The following CCT5 variants were observed in gnomAD, a reference collection of about 807,000 sequenced individuals.
CCT5 encodes the protein T-complex protein 1 subunit epsilon.
In CCT5, 6 loss-of-function variants were observed where a neutral mutation model predicts 55.0. The ratio of observed to expected loss-of-function variants is 0.11; its 90% CI spans 0.06 to 0.22. The LOEUF (loss-of-function observed/expected upper bound fraction) is 0.22. Ranked by LOEUF, CCT5 falls within the 10% of genes least tolerant of loss-of-function variation. CCT5 has a pLI of 1.00. For missense variants in CCT5, 560 were observed against 694.6 expected (o/e 0.81, Z 2.18); for synonymous variants, 231 against 243.7 (o/e 0.95, Z 0.49).
chr5:10,250,020 G>A (rs114102537), upstream of CCT5: 2,567 of 1,540,588 alleles, frequency 1.7e-3, 38 homozygotes, highest in African/African-American at 0.032. Flanking sequence ...TCCTCCTTGG[G>A]ACCCACTATC....
At chr5:10,250,670 A>G (rs1745342506) in intron 1 of CCT5, 6 of 1,406,420 alleles carry the variant, frequency 4.3e-6, no homozygotes, top group Non-Finnish European at 4.6e-6. Context: ...CTGGGCCGCC[A>G]GCGCCCTTCG....
At chr5:10,255,780 G>T (rs1004040749) in intron 3 of CCT5, among the ~76,000 whole-genome samples, 175 bp from the exon 4 acceptor site, 1 of 152,132 alleles carries the variant, frequency 6.6e-6, no homozygotes, top group African/African-American at 2.4e-5. Context: ...TTCGACCTTC[G>T]CTAGAACTAA....
rs537736212 is a variant in CCT5, at chr5:10,257,153, C to T, written c.531-958C>T. Among the ~76,000 whole-genome samples the T allele has an allele frequency of 4.9e-4, 74 of 152,308 alleles. 1 individual carries two copies. The highest frequency in any genetic ancestry group is 1.7e-3 in the African/African-American group (71 of 41,572). On this transcript the variant is annotated intron_variant, in intron 4 of 10. Coordinates refer to ENST00000280326, the MANE Select transcript of CCT5 (RefSeq NM_012073.5). ...AGGGATCTTCTAAACTCAGAGTAGT[C>T]AGGGAAAATGCAGGAAAAGTGTCTG...
At chr5:10,264,307 C>T (rs934603939) in intron 10 of CCT5, among the ~76,000 whole-genome samples, 1 of 152,050 alleles carries the variant, frequency 6.6e-6, no homozygotes, top group Non-Finnish European at 1.5e-5. Context: ...TTGGAAATAT[C>T]TTACATTTCA....
Position 10,264,800 on chromosome 5 carries a change from A to G in CCT5, c.*17A>G, listed in dbSNP as rs772312597. ...GAAGAATGAAGACATTGAGAAAACTATGTAGCAAGATCCACTTCTGTGATT... is the reference window on the plus strand; with the variant it reads ...GAAGAATGAAGACATTGAGAAAACTGTGTAGCAAGATCCACTTCTGTGATT... On this transcript the variant is annotated 3_prime_UTR_variant, in exon 11 of 11. Transcript: ENST00000280326. 3 of 1,611,466 alleles carry G rather than the reference A, an allele frequency of 1.9e-6. No individual in the cohort carries two copies. The highest frequency in any genetic ancestry group is 1.7e-4 in the Middle Eastern group (1 of 6,052).
At chr5:10,264,044 G>A (rs550792252) in intron 10 of CCT5, among the ~76,000 whole-genome samples, 2 of 152,270 alleles carry the variant, frequency 1.3e-5, no homozygotes, top group Admixed American at 6.5e-5. Context: ...AGGCCAAGCC[G>A]GGTGGATCAC....
rs35432910 is a variant in CCT5 at position 10,266,083 on chromosome 5, C to T, written c.*1300C>T. 2.6e-5 allele frequency: 4 copies of T among 152,118 alleles called. No individual in the cohort carries two copies. Among genetic ancestry groups the T allele is most frequent in the Non-Finnish European group, 1.5e-5 (1 of 68,024 alleles). 9.4% of individuals were successfully genotyped at this position (152,118 alleles called of 1,614,324 possible). ...GGAATGTGTGCTAATAGCAATCTTC[C>T]TAATTTTCATGTTTATATGGAACTA... On this transcript the variant is annotated 3_prime_UTR_variant, in exon 11 of 11. Transcript: ENST00000280326.
chr5:10,263,536 T>C (rs1169065397), intron 10 of CCT5, among the ~76,000 whole-genome samples: 1 of 152,216 alleles, frequency 6.6e-6, no homozygotes, highest in Non-Finnish European at 1.5e-5. Context: ...AAAGTGCATA[T>C]GGTACTATCA....
At chr5:10,261,048 G>A in intron 7 of CCT5, 137 bp downstream of exon 7, 1 of 865,914 alleles carries the variant, frequency 1.2e-6, no homozygotes, top group Non-Finnish European at 2.0e-6. Context: ...TGGGAGAGAG[G>A]AAAGCGCTGG....
At chr5:10,260,639 G>A (rs545472499) in intron 6 of CCT5, among the ~76,000 whole-genome samples, 153 bp from the exon 7 acceptor site, 1 of 152,314 alleles carries the variant, frequency 6.6e-6, no homozygotes, top group South Asian at 2.1e-4. Context: ...CAGAAAAGTG[G>A]ACACTTGTCT....
intron 3 of CCT5, 139 bp downstream of exon 3, chr5:10,254,977 C>A: frequency 1.5e-6 from 1 of 650,690 alleles, no homozygotes. Context: ...TGCTACAAAA[C>A]AAATGTCGGA....
chr5:10,249,977 G>A (rs751685682), upstream of CCT5: 248 of 1,437,010 alleles, frequency 1.7e-4, no homozygotes, highest in Non-Finnish European at 2.2e-4. Context: ...GGAGTGCGAA[G>A]AAATAAAGAA....
chr5:10,250,315 G>C lies in CCT5; in HGVS notation c.-26G>C. 1 of 1,613,878 alleles carries C rather than the reference G, an allele frequency of 6.2e-7. No homozygotes were observed. On this transcript the variant is annotated 5_prime_UTR_variant, in exon 1 of 11. Coordinates refer to ENST00000280326, the MANE Select transcript of CCT5 (RefSeq NM_012073.5). ...TTCCGTAGCGGTCTCCGCCGGTTGGGGGGAAGTAATTCCGGTTGTTGCACC... is the reference window on the plus strand; with the variant it reads ...TTCCGTAGCGGTCTCCGCCGGTTGGCGGGAAGTAATTCCGGTTGTTGCACC...
chr5:10,260,692 C>T, intron 6 of CCT5, 100 bp from the exon 7 acceptor site: 1 of 1,299,926 alleles, frequency 7.7e-7, no homozygotes, highest in Non-Finnish European at 1.1e-6. Context: ...TTTGAGTGCA[C>T]CTGCCTTACA....
chr5:10,261,949 T>A, intron 8 of CCT5: 1 of 628,468 alleles, frequency 1.6e-6, no homozygotes, highest in Non-Finnish European at 2.9e-6. Context: ...CTGCTGTCCC[T>A]TAGAGTATAC....
intron 4 of CCT5, among the ~76,000 whole-genome samples, chr5:10,257,379 A>G (rs907688075): frequency 1.3e-5 from 2 of 152,230 alleles, no homozygotes; most frequent in African/African-American, 4.8e-5. Flanking sequence ...GAAGTGTACA[A>G]ATCAGTTTTC....
Position 10,257,369 on chromosome 5 carries a change from G to T in CCT5, c.531-742G>T, listed in dbSNP as rs1165801128. ...TGAAAGGAGGACATCATCATTACTT[G>T]AAGTGTACAAATCAGTTTTCTTGTT... On this transcript the variant is annotated intron_variant, in intron 4 of 10. Coordinates refer to ENST00000280326, the MANE Select transcript of CCT5 (RefSeq NM_012073.5). Among the ~76,000 whole-genome samples the T allele has an allele frequency of 2.0e-5, 3 of 152,232 alleles. No homozygotes were observed. In the East Asian group the frequency reaches 5.8e-4, roughly 29 times the overall value.
chr5:10,258,340 T>A (rs1427775509), intron 5 of CCT5, 37 bp downstream of exon 5: 1 of 1,613,994 alleles, frequency 6.2e-7, no homozygotes, highest in Admixed American at 1.7e-5. Context: ...CACTGTTGGT[T>A]AACTCTTAAT....
rs74974590 is a variant in CCT5 at position 10,261,402 on chromosome 5, G to T, written c.994-158G>T. 1.3e-4 allele frequency among the ~76,000 whole-genome samples: 20 copies of T among 152,300 alleles called. No individual in the cohort carries two copies. In the East Asian group the frequency reaches 3.9e-3, roughly 29 times the overall value. ...GCTCAAGAGCCTTGTTACCTAGCAA[G>T]GTGCTTTGGGTTGAACTGGAGATGT... On this transcript the variant is annotated intron_variant, in intron 7 of 10. Coordinates refer to ENST00000280326, the MANE Select transcript of CCT5 (RefSeq NM_012073.5).
Sources: allele counts gnomAD v4.1 joint callset (sites outside exome capture counted in the v4.1 genomes callset), GRCh38; gene constraint gnomAD v4.1.1; transcripts MANE v1.5; gene names NCBI Gene and HGNC (gene_info 2026-07-23, HGNC 2026-07-21).